FAM83C: variants seen among roughly 807,000 people sequenced by gnomAD.
The protein encoded by FAM83C is protein FAM83C.
FAM83C carries 23 observed loss-of-function variants against 27.1 expected under a neutral mutation model. That is an observed-to-expected ratio of 0.85 (90% CI 0.61 to 1.20). The LOEUF is 1.20. Ranked by LOEUF, FAM83C falls within the 50% of genes most tolerant of loss-of-function variation. The pLI is 0.00. For synonymous variants in FAM83C, 426 were observed against 423.1 expected (o/e 1.01, Z -0.09); for missense variants, 984 against 1,001.3 (o/e 0.98, Z 0.23).
In FAM83C at chr20:35,286,483, G is replaced by GTCGCCGTATCATTAAA; in HGVS notation, c.*51_*52insTTTAATGATACGGCGA. On this transcript the variant is annotated 3_prime_UTR_variant, in exon 4 of 4. Transcript: ENST00000374408. Reference sequence around the variant, plus strand: ...CCTGAGCAAGTCCAGAGTCTCGGTGGACAGAGGAGGGGCCTGCCCTTGCCA... The same window carrying GTCGCCGTATCATTAAA: ...CCTGAGCAAGTCCAGAGTCTCGGTGGTCGCCGTATCATTAAAACAGAGGAGGGGCCTGCCCTTGCCA... 6.6e-7 allele frequency: 1 copy of GTCGCCGTATCATTAAA among 1,515,434 alleles called. No homozygotes were observed. Among genetic ancestry groups the GTCGCCGTATCATTAAA allele is most frequent in the South Asian group, 1.3e-5 (1 of 77,652 alleles). 93.9% of individuals were successfully genotyped at this position (1,515,434 alleles called of 1,614,324 possible).
Position 35,287,967 on chromosome 20 carries a change from G to C in FAM83C, c.812C>G (p.Thr271Ser). ...EQVVAGSYSF[T>S]WLCSQAHTSM... ...AGTGTGGGCCTGGCTGCAAAGCCAG[G>C]TGAAGCTGGGGGCAGAGGGACAGGG... The change falls in exon 4 of 4, where the codon ACC becomes AGC. Residue 271 changes from threonine (T) to serine (S), a missense_variant. Physicochemically the swap from Thr to Ser is moderately conservative, Grantham distance 58. Transcript: ENST00000374408. 6.4e-7 allele frequency: 1 copy of C among 1,562,886 alleles called. No individual in the cohort carries two copies. Among genetic ancestry groups the C allele is most frequent in the Non-Finnish European group, 8.7e-7 (1 of 1,152,664 alleles).
chr20:35,287,013 T>C lies in FAM83C; in HGVS notation c.1766A>G (p.Gln589Arg). The change falls in exon 4 of 4, where the codon CAA becomes CGA. Residue 589 changes from glutamine (Q) to arginine (R), a missense_variant. Physicochemically the swap from Gln to Arg is conservative, Grantham distance 43 (BLOSUM62 1). Coordinates refer to ENST00000374408, the MANE Select transcript of FAM83C (RefSeq NM_178468.6). ...ALEDRRLSLN[Q>R]SRGQSDLLMQ... ...CAGGAGGTCTGATTGGCCACGGCTT[T>C]GGTTTAGGGACAGCCTCCTGTCCTC... 1.9e-6 allele frequency: 3 copies of C among 1,608,470 alleles called. No individual in the cohort carries two copies. Among genetic ancestry groups the C allele is most frequent in the Non-Finnish European group, 8.5e-7 (1 of 1,179,990 alleles).
chr20:35,291,766 G>T, intron 1 of FAM83C, 26 bp downstream of exon 1: 1 of 1,612,640 alleles, frequency 6.2e-7, no homozygotes, highest in South Asian at 1.1e-5. Flanking sequence ...TCTGTGAGAT[G>T]AGTGATGGAG....
Position 35,287,341 on chromosome 20 carries a change from G to T in FAM83C, c.1438C>A (p.Arg480=), listed in dbSNP as rs749018897. ...LPGSQEPSPL[R]GRWVPGTTLE... ...GTTGTGCCAGGTACCCATCGACCCC[G>T]CAGGGGGCTGGGCTCTTGGCTTCCT... Residue 480 remains arginine (R), a synonymous_variant, in exon 4 of 4, where the codon CGG becomes AGG. Coordinates refer to ENST00000374408, the MANE Select transcript of FAM83C (RefSeq NM_178468.6). 1 of 1,613,822 alleles carries T rather than the reference G, an allele frequency of 6.2e-7. No individual in the cohort carries two copies. Among genetic ancestry groups the T allele is most frequent in the East Asian group, 2.2e-5 (1 of 44,884 alleles).
chr20:35,289,024 T>C, intron 1 of FAM83C, 66 bp from the exon 2 acceptor site: 1 of 1,545,962 alleles, frequency 6.5e-7, no homozygotes, highest in African/African-American at 1.4e-5. Context: ...CAGCCAAACC[T>C]GGGGCAGGAA....
Position 35,287,583 on chromosome 20 carries a change from G to C in FAM83C, c.1196C>G (p.Ser399Ter). ...SGQPSLHRQL[S>*]DPNHGSPPGL... is the part of the protein sequence containing the mutation. ...AGGAGGGGAGCCGTGGTTAGGGTCTGACAGTTGGCGATGTAGGGAGGGCTG... is the reference window on the plus strand; with the variant it reads ...AGGAGGGGAGCCGTGGTTAGGGTCTCACAGTTGGCGATGTAGGGAGGGCTG... Residue 399 changes from serine to a stop codon, truncating the protein, a stop_gained, in exon 4 of 4, where the codon TCA becomes TGA. Coordinates refer to ENST00000374408, the MANE Select transcript of FAM83C (RefSeq NM_178468.6). LOFTEE classifies it low-confidence loss of function (END_TRUNC). 2 of 1,614,140 alleles carry C rather than the reference G, an allele frequency of 1.2e-6. No individual in the cohort carries two copies. Among genetic ancestry groups the C allele is most frequent in the Non-Finnish European group, 1.7e-6 (2 of 1,180,008 alleles).
intron 1 of FAM83C, among the ~76,000 whole-genome samples, chr20:35,289,322 ACTATGCCTGG>A (rs1277968233): frequency 1.3e-5 from 2 of 150,066 alleles, no homozygotes; most frequent in African/African-American, 4.9e-5. Flanking sequence ...GGCATGTGCC[ACTATGCCTGG>A]CTAATTTTCT....
chr20:35,286,410 A>G lies in FAM83C; in HGVS notation c.*125T>C. On this transcript the variant is annotated 3_prime_UTR_variant, in exon 4 of 4. Transcript: ENST00000374408. ...GTACACAAGAATCTTGAGCCCAGAGAGTGTGTCTGACCTGGGTTTCTAGAC... is the reference window on the plus strand; with the variant it reads ...GTACACAAGAATCTTGAGCCCAGAGGGTGTGTCTGACCTGGGTTTCTAGAC... 1.3e-6 allele frequency: 1 copy of G among 767,910 alleles called. No individual in the cohort carries two copies. Among genetic ancestry groups the G allele is most frequent in the Non-Finnish European group, 2.0e-6 (1 of 488,600 alleles). 47.6% of individuals were successfully genotyped at this position (767,910 alleles called of 1,614,324 possible).
At position 35,287,988 on chromosome 20, in the gene FAM83C, CAG is replaced by C; in HGVS notation, c.807-18_807-17del. ...CCAGGTGAAGCTGGGGGCAGAGGGA[CAG>C]GGGGGTCAGGAGGCAAAGTGCAGGA... On this transcript the variant is annotated splice_polypyrimidine_tract_variant and intron_variant, in intron 3 of 3. Coordinates refer to ENST00000374408, the MANE Select transcript of FAM83C (RefSeq NM_178468.6). 6.4e-7 allele frequency: 1 copy of C among 1,557,044 alleles called. No individual in the cohort carries two copies.
rs1003765128 is a variant in FAM83C at position 35,286,894 on chromosome 20, T to C, written c.1885A>G (p.Thr629Ala). ...ARRAPDERRQ[T>A]LGHSQLDLIT... is the part of the protein sequence containing the mutation. ...AGGTCCAGCTGGCTGTGCCCCAGGG[T>C]CTGCCGCCGCTCATCTGGTGCCCGT... Residue 629 changes from threonine (T) to alanine (A), a missense_variant, in exon 4 of 4, where the codon ACC becomes GCC. Transcript: ENST00000374408. 1 of 1,614,162 alleles carries C rather than the reference T, an allele frequency of 6.2e-7. No individual in the cohort carries two copies. The highest frequency in any genetic ancestry group is 1.7e-5 in the Admixed American group (1 of 60,030).
At position 35,286,802 on chromosome 20, in the gene FAM83C, A is replaced by T. The variant is rs752690761; in HGVS notation, c.1977T>A (p.Pro659=). The change falls in exon 4 of 4, where the codon CCT becomes CCA. Residue 659 remains proline (P), a synonymous_variant. Coordinates refer to ENST00000374408, the MANE Select transcript of FAM83C (RefSeq NM_178468.6). The stretch of plus-strand genomic sequence containing the variant: ...CAGACCCAGCTCCAGCCGTGCGAGC[A>T]GGGCTTGATATCGGGAGACCATTGG... ...PGPNGLPISS[P]ARTAGAGSGD... 1 of 1,613,952 alleles carries T rather than the reference A, an allele frequency of 6.2e-7. No individual in the cohort carries two copies. The highest frequency in any genetic ancestry group is 8.5e-7 in the Non-Finnish European group (1 of 1,179,972).
Position 35,288,495 on chromosome 20 carries a change from T to C in FAM83C, c.772A>G (p.Ile258Val). The change falls in exon 3 of 4, where the codon ATT becomes GTT. Residue 258 changes from isoleucine (I) to valine (V), a missense_variant. Physicochemically the swap from Ile to Val is conservative, Grantham distance 29. Coordinates refer to ENST00000374408, the MANE Select transcript of FAM83C (RefSeq NM_178468.6). ...TGQALEKFVLIDCEQVVAGSY... is the reference protein window; with the variant it reads ...TGQALEKFVLVDCEQVVAGSY... ...CCCGCCACCACTTGCTCACAGTCAA[T>C]GAGGACGAACTTCTCCAGGGCCTGC... is the stretch of plus-strand genomic sequence containing the variant. 1 of 1,614,134 alleles carries C rather than the reference T, an allele frequency of 6.2e-7. No individual in the cohort carries two copies. The highest frequency in any genetic ancestry group is 8.5e-7 in the Non-Finnish European group (1 of 1,179,996).
At chr20:35,290,765 G>T (rs1248871504) in intron 1 of FAM83C, among the ~76,000 whole-genome samples, 1 of 152,172 alleles carries the variant, frequency 6.6e-6, no homozygotes, top group Admixed American at 6.5e-5. Flanking sequence ...AGAGGCAGGG[G>T]TGAGGAGGAC....
Position 35,286,933 on chromosome 20 carries a change from C to A in FAM83C, c.1846G>T (p.Ala616Ser). 6.2e-7 allele frequency: 1 copy of A among 1,614,048 alleles called. No homozygotes were observed. The highest frequency in any genetic ancestry group is 2.2e-5 in the East Asian group (1 of 44,888). The part of the protein sequence containing the change: ...SRVPLETNSS[A>S]RPARRAPDER... Reference sequence around the variant, plus strand: ...TCTGGTGCCCGTCTGGCAGGTCTGGCTGAGGAGTTGGTTTCAAGGGGCACT... The same window carrying A: ...TCTGGTGCCCGTCTGGCAGGTCTGGATGAGGAGTTGGTTTCAAGGGGCACT... Residue 616 changes from alanine to serine, a missense_variant, in exon 4 of 4, where the codon GCC becomes TCC. Ala to Ser is a moderately conservative substitution (Grantham distance 99). Coordinates refer to ENST00000374408, the MANE Select transcript of FAM83C (RefSeq NM_178468.6).
Position 35,286,237 on chromosome 20 carries a change from T to C in FAM83C, c.*298A>G, listed in dbSNP as rs2060823073. ...AACTTGATATGGCTCTGACCCCTTCTCCAGCAGCTTGTGCATTTCACCTCT... is the reference window on the plus strand; with the variant it reads ...AACTTGATATGGCTCTGACCCCTTCCCCAGCAGCTTGTGCATTTCACCTCT... On this transcript the variant is annotated 3_prime_UTR_variant, in exon 4 of 4. Transcript: ENST00000374408. The C allele has an allele frequency of 5.3e-6, 2 of 374,362 alleles. No homozygotes were observed. Among genetic ancestry groups the C allele is most frequent in the African/African-American group, 2.1e-5 (1 of 48,270 alleles). The allele number at this position is 374,362 out of a possible 1,614,324, so 23.2% of individuals were successfully genotyped here. A position where few individuals can be genotyped will look rare whatever the true frequency, so the allele number is the denominator to read the frequency against.
chr20:35,285,864 AATG>A lies in FAM83C; in HGVS notation c.*668_*670del, dbSNP rs138836224. On this transcript the variant is annotated 3_prime_UTR_variant, in exon 4 of 4. Coordinates refer to ENST00000374408, the MANE Select transcript of FAM83C (RefSeq NM_178468.6). ...CACTCAGCAAGATGATGACGACGAC[AATG>A]ATGATGATGATGATGATGACTCAGC... 5.9e-4 allele frequency: 92 copies of A among 156,182 alleles called. No individual in the cohort carries two copies. In the Middle Eastern group the frequency reaches 9.7e-3, roughly 16 times the overall value. 9.7% of individuals were successfully genotyped at this position (156,182 alleles called of 1,614,324 possible).
At position 35,287,189 on chromosome 20, in the gene FAM83C, G is replaced by C; in HGVS notation, c.1590C>G (p.Asn530Lys). The C allele has an allele frequency of 6.2e-7, 1 of 1,610,238 alleles. No homozygotes were observed. The highest frequency in any genetic ancestry group is 8.5e-7 in the Non-Finnish European group (1 of 1,179,904). Residue 530 changes from asparagine (N) to lysine (K), a missense_variant, in exon 4 of 4, where the codon AAC becomes AAG. Transcript: ENST00000374408. ...GCTCGCCAGGCCGAAGGGGGCCTGAGTTGGGGGTAACCCCAGAGTCAGGGT... is the reference window on the plus strand; with the variant it reads ...GCTCGCCAGGCCGAAGGGGGCCTGACTTGGGGGTAACCCCAGAGTCAGGGT... ...VGDPDSGVTP[N>K]SGPLRPGEQA... is the part of the protein sequence containing the mutation.
At chr20:35,288,261 G>A (rs960627194) in intron 3 of FAM83C, among the ~76,000 whole-genome samples, 200 bp downstream of exon 3, 23 of 152,154 alleles carry the variant, frequency 1.5e-4, no homozygotes, top group African/African-American at 5.3e-4. Context: ...TCTATACCAA[G>A]GGTATTAAAG....
Position 35,286,368 on chromosome 20 carries a change from T to TGA in FAM83C, c.*166_*167insTC. 1.7e-6 allele frequency: 1 copy of TGA among 601,186 alleles called. No homozygotes were observed. Among genetic ancestry groups the TGA allele is most frequent in the East Asian group, 2.8e-5 (1 of 35,452 alleles). The allele number at this position is 601,186 out of a possible 1,614,324, so 37.2% of individuals were successfully genotyped here. A position where few individuals can be genotyped will look rare whatever the true frequency, so the allele number is the denominator to read the frequency against. On this transcript the variant is annotated 3_prime_UTR_variant, in exon 4 of 4. Transcript: ENST00000374408. ...ATACTAGTTAGGGTGTGTGTGTGTG[T>TGA]GTGTGTGTGTGTGTGTGTACACAAG...
Sources: allele counts gnomAD v4.1 joint callset (sites outside exome capture counted in the v4.1 genomes callset), GRCh38; gene constraint gnomAD v4.1.1; transcripts MANE v1.5; gene names NCBI Gene and HGNC (gene_info 2026-07-23, HGNC 2026-07-21).